Variants in STXBP5L observed in about 807,000 individuals in gnomAD.
STXBP5L encodes syntaxin-binding protein 5-like.
STXBP5L carries 65 observed loss-of-function variants against 144.5 expected under a neutral mutation model. That is an observed-to-expected ratio of 0.45 (90% CI 0.37 to 0.55). The LOEUF is 0.55. Ranked by LOEUF, STXBP5L falls within the 20% of genes least tolerant of loss-of-function variation. The probability of loss-of-function intolerance (pLI) is 0.00; values close to 1 mark genes in which losing one functional copy is unlikely to be tolerated. For synonymous variants in STXBP5L, 505 were observed against 469.6 expected (o/e 1.08, Z -0.97); for missense variants, 1,298 against 1,405.5 (o/e 0.92, Z 1.22).
chr3:121,403,105 T>C (rs1186636469), intron 22 of STXBP5L, among the ~76,000 whole-genome samples: 2 of 152,142 alleles, frequency 1.3e-5, no homozygotes, highest in Non-Finnish European at 2.9e-5. Context: ...AACAATCAGA[T>C]AAAAACTTCA....
intron 3 of STXBP5L, among the ~76,000 whole-genome samples, chr3:120,975,219 T>C (rs1000220002): frequency 1.3e-5 from 2 of 152,196 alleles, no homozygotes; most frequent in African/African-American, 4.8e-5. Flanking sequence ...TTTATTTCCT[T>C]GAGCAGTGGT....
At chr3:121,411,897 G>A (rs1346163995) in intron 23 of STXBP5L, among the ~76,000 whole-genome samples, 1 of 152,168 alleles carries the variant, frequency 6.6e-6, no homozygotes, top group Admixed American at 6.6e-5. Context: ...CTTTCTAGCT[G>A]TGGTGTTTCT....
At chr3:121,393,538 T>G (rs1483869676) in intron 22 of STXBP5L, among the ~76,000 whole-genome samples, 2 of 152,234 alleles carry the variant, frequency 1.3e-5, no homozygotes. Flanking sequence ...TTTGCTAGGT[T>G]TCCTTCTAGC....
intron 3 of STXBP5L, among the ~76,000 whole-genome samples, chr3:120,959,114 G>C (rs1938419499): frequency 1.3e-5 from 2 of 148,476 alleles, no homozygotes; most frequent in Non-Finnish European, 1.5e-5. Flanking sequence ...ACCAAAAACA[G>C]ACAGAGAGCC....
chr3:121,156,872 G>A (rs1445847856), intron 8 of STXBP5L, among the ~76,000 whole-genome samples: 1 of 151,978 alleles, frequency 6.6e-6, no homozygotes, highest in Non-Finnish European at 1.5e-5. Flanking sequence ...CAAATAGTAT[G>A]CTGTTTTATA....
chr3:121,141,276 G>C (rs2045493479), intron 7 of STXBP5L, among the ~76,000 whole-genome samples: 1 of 152,040 alleles, frequency 6.6e-6, no homozygotes, highest in African/African-American at 2.4e-5. Context: ...GGTTGCACAT[G>C]CCTGTAATCC....
intron 10 of STXBP5L, among the ~76,000 whole-genome samples, chr3:121,217,430 G>T (rs2048816914): frequency 6.6e-6 from 1 of 152,096 alleles, no homozygotes; most frequent in African/African-American, 2.4e-5. Context: ...CCTTGGCTAG[G>T]GGAGGAAGTT....
chr3:121,418,282 T>G (rs1430459887), intron 25 of STXBP5L, 55 bp from the exon 26 acceptor site: 16 of 1,537,656 alleles, frequency 1.0e-5, no homozygotes, highest in Non-Finnish European at 1.4e-5. Context: ...GTGACAAGCT[T>G]GACTGTTTGA....
intron 12 of STXBP5L, among the ~76,000 whole-genome samples, chr3:121,238,687 A>G (rs2049566714): frequency 6.6e-6 from 1 of 152,160 alleles, no homozygotes; most frequent in African/African-American, 2.4e-5. Context: ...AGATTAATAG[A>G]ATTCATTGTA....
chr3:120,967,515 T>C (rs1002127636), intron 3 of STXBP5L, among the ~76,000 whole-genome samples: 1 of 152,222 alleles, frequency 6.6e-6, no homozygotes, highest in Non-Finnish European at 1.5e-5. Context: ...TTGTTCTTAC[T>C]CTAGCTAAAG....
intron 5 of STXBP5L, among the ~76,000 whole-genome samples, chr3:121,056,478 G>T (rs1169923441): frequency 1.3e-4 from 20 of 152,096 alleles, no homozygotes; most frequent in Admixed American, 1.3e-3. Context: ...GCAATATTTT[G>T]TTGAAAACTC....
intron 19 of STXBP5L, among the ~76,000 whole-genome samples, chr3:121,287,355 A>G (rs1213684477): frequency 6.6e-6 from 1 of 152,238 alleles, no homozygotes; most frequent in African/African-American, 2.4e-5. Context: ...ATCTGCCAAA[A>G]ACAGCTACTA....
chr3:121,213,592 T>C (rs2048663805), intron 10 of STXBP5L, among the ~76,000 whole-genome samples: 1 of 152,198 alleles, frequency 6.6e-6, no homozygotes, highest in Non-Finnish European at 1.5e-5. Flanking sequence ...AGTTTTTTGA[T>C]GTGCTGTTGT....
intron 3 of STXBP5L, among the ~76,000 whole-genome samples, chr3:121,012,824 A>G (rs1021638734): frequency 4.6e-5 from 7 of 151,148 alleles, no homozygotes; most frequent in African/African-American, 1.7e-4. Flanking sequence ...TAGTTTTTCA[A>G]CCCTTATCCA....
chr3:121,409,074 C>A (rs1258260864), intron 23 of STXBP5L, among the ~76,000 whole-genome samples: 1 of 151,720 alleles, frequency 6.6e-6, no homozygotes, highest in Non-Finnish European at 1.5e-5. Context: ...GATTTGCACT[C>A]TTAGAAAAAT....
chr3:121,021,179 G>C (rs1945525324), intron 3 of STXBP5L, among the ~76,000 whole-genome samples: 1 of 151,980 alleles, frequency 6.6e-6, no homozygotes, highest in African/African-American at 2.4e-5. Flanking sequence ...GAGGGGCATT[G>C]TATAATGATA....
chr3:121,324,035 T>TAGTATA (rs2044064342), intron 20 of STXBP5L, among the ~76,000 whole-genome samples: 3 of 152,194 alleles, frequency 2.0e-5, no homozygotes, highest in Non-Finnish European at 4.4e-5. Flanking sequence ...CATTAGGTCC[T>TAGTATA]GACACTGCTG....
chr3:120,987,012 G>T (rs1033355573), intron 3 of STXBP5L, among the ~76,000 whole-genome samples: 1 of 151,902 alleles, frequency 6.6e-6, no homozygotes, highest in Non-Finnish European at 1.5e-5. Context: ...AAGTTATAGA[G>T]AGAATATTTG....
In STXBP5L at chr3:121,194,227, A is replaced by G. The variant is rs2047829505; in HGVS notation, c.878-11696A>G. On this transcript the variant is annotated intron_variant, in intron 9 of 26. Coordinates refer to ENST00000471454, the MANE Select transcript of STXBP5L (RefSeq NM_001308330.2). ...TGCAACCCTAGGCAATAACTACTTT[A>G]GTCTCTGTGTGTATGAATTTGTTTG... is the stretch of plus-strand genomic sequence containing the variant. Among the ~76,000 whole-genome samples the G allele has an allele frequency of 2.0e-5, 3 of 152,274 alleles. No individual in the cohort carries two copies. The South Asian group carries it at 6.2e-4, about 32-fold the overall frequency.
Sources: gnomAD v4.1 joint callset for allele counts (sites outside exome capture counted in the v4.1 genomes callset) on GRCh38, gnomAD v4.1.1 for gene constraint, MANE v1.5 for transcripts, NCBI Gene and HGNC (gene_info 2026-07-23, HGNC 2026-07-21) for gene names.